The following SORCS3 variants were observed in gnomAD, a reference collection of about 807,000 sequenced individuals.
SORCS3 encodes VPS10 domain-containing receptor SorCS3.
SORCS3 carries 57 observed loss-of-function variants against 146.3 expected under a neutral mutation model. That is an observed-to-expected ratio of 0.39 (90% CI 0.31 to 0.49). The LOEUF (loss-of-function observed/expected upper bound fraction) is 0.49. Among genes scored for constraint, SORCS3 ranks in the 20% least tolerant of loss-of-function variants. The probability of loss-of-function intolerance (pLI) is 0.92; values close to 1 mark genes in which losing one functional copy is unlikely to be tolerated. For missense variants in SORCS3, 1,341 were observed against 1,575.5 expected (o/e 0.85, Z 2.52); for synonymous variants, 653 against 618.5 (o/e 1.06, Z -0.83).
intron 7 of SORCS3, among the ~76,000 whole-genome samples, chr10:105,110,921 A>G (rs544525816): frequency 3.0e-4 from 45 of 152,270 alleles, no homozygotes; most frequent in African/African-American, 1.1e-3. Context: ...AGCCAGTCAC[A>G]GGGCTAAATC....
intron 20 of SORCS3, among the ~76,000 whole-genome samples, chr10:105,242,904 AT>A (rs1233494267): frequency 2.3e-5 from 2 of 85,402 alleles, no homozygotes; most frequent in African/African-American, 4.9e-5. Context: ...TGATATATAA[AT>A]TATATATATA....
chr10:104,964,667 T>G (rs1339180941), intron 3 of SORCS3, among the ~76,000 whole-genome samples: 1 of 152,188 alleles, frequency 6.6e-6, no homozygotes, highest in Admixed American at 6.5e-5. Flanking sequence ...TGTTACTTTA[T>G]CTCTAGTCTC....
chr10:105,143,818 A>G (rs1427518131), intron 8 of SORCS3, among the ~76,000 whole-genome samples: 1 of 152,126 alleles, frequency 6.6e-6, no homozygotes, highest in Non-Finnish European at 1.5e-5. Context: ...CTCCCGCTGT[A>G]GATTTTACCT....
intron 5 of SORCS3, among the ~76,000 whole-genome samples, chr10:105,083,873 G>C (rs61867240): frequency 6.6e-6 from 1 of 152,196 alleles, no homozygotes; most frequent in Non-Finnish European, 1.5e-5. Context: ...AGGCAATGAG[G>C]CATGATGTTT....
intron 1 of SORCS3, among the ~76,000 whole-genome samples, chr10:104,724,178 C>T (rs1432630163): frequency 6.6e-6 from 1 of 152,130 alleles, no homozygotes; most frequent in African/African-American, 2.4e-5. Flanking sequence ...CTGGTGGTGA[C>T]AAAATCTCTC....
At chr10:104,659,114 C>G (rs2015669648) in intron 1 of SORCS3, among the ~76,000 whole-genome samples, 1 of 152,148 alleles carries the variant, frequency 6.6e-6, no homozygotes, top group African/African-American at 2.4e-5. Flanking sequence ...GTTGCTCATA[C>G]TCATGTTGTG....
chr10:104,955,873 G>A (rs2019483893), intron 3 of SORCS3, among the ~76,000 whole-genome samples: 1 of 152,136 alleles, frequency 6.6e-6, no homozygotes, highest in South Asian at 2.1e-4. Context: ...ATAAAAAGAG[G>A]AGAAAAAGTT....
intron 1 of SORCS3, among the ~76,000 whole-genome samples, chr10:104,725,005 T>C (rs1211469352): frequency 6.6e-6 from 1 of 152,224 alleles, no homozygotes; most frequent in Non-Finnish European, 1.5e-5. Flanking sequence ...CCAGCTTTGT[T>C]CTGTTGCTGG....
Position 105,054,297 on chromosome 10 carries a change from T to C in SORCS3, c.1028+11169T>C, listed in dbSNP as rs375389617. Among the ~76,000 whole-genome samples the C allele has an allele frequency of 4.6e-5, 7 of 152,050 alleles. No homozygotes were observed. The East Asian group carries it at 1.2e-3, about 25-fold the overall frequency. On this transcript the variant is annotated intron_variant, in intron 5 of 26. Coordinates refer to ENST00000369701, the MANE Select transcript of SORCS3 (RefSeq NM_014978.3). ...CGAATCTTTCATTTTCCCTTTATAATGTTTTTTATTATTTTATGTTTATCA... is the reference window on the plus strand; with the variant it reads ...CGAATCTTTCATTTTCCCTTTATAACGTTTTTTATTATTTTATGTTTATCA...
chr10:105,212,890 GA>G (rs1212786306), intron 17 of SORCS3, among the ~76,000 whole-genome samples: 2 of 152,124 alleles, frequency 1.3e-5, no homozygotes, highest in Non-Finnish European at 2.9e-5. Flanking sequence ...TGACTGTCTA[GA>G]CCAGTGATGA....
chr10:105,200,217 A>G lies in SORCS3; in HGVS notation c.2127+101A>G. ...GCCTTCCTATTTAGGGGAGGAAGGT[A>G]GTGGGTCATCTGAGGATGTGGGTGT... On this transcript the variant is annotated intron_variant, in intron 15 of 26. Coordinates refer to ENST00000369701, the MANE Select transcript of SORCS3 (RefSeq NM_014978.3). The G allele has an allele frequency of 3.4e-6, 3 of 880,936 alleles. No homozygotes were observed. In the East Asian group the frequency reaches 7.6e-5, roughly 22 times the overall value. 54.6% of individuals were successfully genotyped at this position (880,936 alleles called of 1,614,324 possible).
chr10:105,184,667 T>C (rs528173775), intron 14 of SORCS3, among the ~76,000 whole-genome samples: 13 of 152,360 alleles, frequency 8.5e-5, no homozygotes, highest in Admixed American at 2.0e-4. Flanking sequence ...ATATAATTGA[T>C]ATATACAAAA....
intron 26 of SORCS3, 108 bp from the exon 27 acceptor site, chr10:105,263,202 A>G: frequency 5.0e-6 from 5 of 990,260 alleles, no homozygotes; most frequent in Non-Finnish European, 7.6e-6. Flanking sequence ...ATAAATTCCT[A>G]TTAAGCACCT....
At position 105,245,537 on chromosome 10, in the gene SORCS3, T is replaced by C. The variant is rs2056860441; in HGVS notation, c.2869-5T>C. Reference sequence around the variant, plus strand: ...CTGAATGAGTATTGTTACTTCTTCTTGTAGCCTCTCATCACTTTGGACAGC... The same window carrying C: ...CTGAATGAGTATTGTTACTTCTTCTCGTAGCCTCTCATCACTTTGGACAGC... On this transcript the variant is annotated splice_region_variant and splice_polypyrimidine_tract_variant and intron_variant, in intron 20 of 26. Coordinates refer to ENST00000369701, the MANE Select transcript of SORCS3 (RefSeq NM_014978.3). 1.2e-6 allele frequency: 2 copies of C among 1,613,950 alleles called. No individual in the cohort carries two copies.
intron 1 of SORCS3, among the ~76,000 whole-genome samples, chr10:104,787,471 T>G (rs2017451961): frequency 6.6e-6 from 1 of 152,172 alleles, no homozygotes; most frequent in South Asian, 2.1e-4. Context: ...ACTAGATATC[T>G]CCTTTATAGT....
intron 13 of SORCS3, among the ~76,000 whole-genome samples, chr10:105,177,130 G>C (rs1224374865): frequency 6.6e-6 from 1 of 152,032 alleles, no homozygotes; most frequent in Non-Finnish European, 1.5e-5. Flanking sequence ...CAGTTAAGGA[G>C]TCAGTAGTCA....
intron 1 of SORCS3, among the ~76,000 whole-genome samples, chr10:104,755,819 A>G (rs1039881428): frequency 6.6e-6 from 1 of 152,214 alleles, no homozygotes; most frequent in Admixed American, 6.5e-5. Context: ...CATCACAGTT[A>G]TCACACAGAA....
intron 1 of SORCS3, among the ~76,000 whole-genome samples, chr10:104,708,563 G>A (rs2016374297): frequency 6.6e-6 from 1 of 152,212 alleles, no homozygotes; most frequent in South Asian, 2.1e-4. Context: ...CTGATAACTT[G>A]TTTGGTGCAT....
chr10:104,744,256 A>G (rs977986495), intron 1 of SORCS3, among the ~76,000 whole-genome samples: 2 of 152,218 alleles, frequency 1.3e-5, no homozygotes, highest in Non-Finnish European at 2.9e-5. Context: ...CTGACAATGA[A>G]TAGACTGTCA....
Sources: gnomAD v4.1 joint callset for allele counts (sites outside exome capture counted in the v4.1 genomes callset) on GRCh38, gnomAD v4.1.1 for gene constraint, MANE v1.5 for transcripts, NCBI Gene and HGNC (gene_info 2026-07-23, HGNC 2026-07-21) for gene names.